The following BBS9 variants were observed in gnomAD, a reference collection of about 807,000 sequenced individuals.
The protein encoded by BBS9 is protein PTHB1.
BBS9 carries 89 observed loss-of-function variants against 117.7 expected under a neutral mutation model. That is an observed-to-expected ratio of 0.76 (90% confidence interval 0.64 to 0.90). The LOEUF (loss-of-function observed/expected upper bound fraction) is 0.90. Among genes scored for constraint, BBS9 ranks in the 40% least tolerant of loss-of-function variants. The probability of loss-of-function intolerance (pLI) is 0.00; values close to 1 mark genes in which losing one functional copy is unlikely to be tolerated. For missense variants in BBS9, 982 were observed against 1,042.2 expected, an observed-to-expected ratio of 0.94 and a Z score of 0.80; for synonymous variants, 379 against 370.9, an observed-to-expected ratio of 1.02 and a Z score of -0.25.
intron 10 of BBS9, among the ~76,000 whole-genome samples, chr7:33,338,599 A>G (rs1815865391): frequency 6.6e-6 from 1 of 152,180 alleles, no homozygotes; most frequent in Non-Finnish European, 1.5e-5. Flanking sequence ...CACATGGTGT[A>G]TATTATCTAC....
chr7:33,405,040 A>T (rs1299449064), intron 19 of BBS9, among the ~76,000 whole-genome samples: 1 of 152,294 alleles, frequency 6.6e-6, no homozygotes, highest in South Asian at 2.1e-4. Context: ...ACTTATTGAG[A>T]GTTTTTAGCA....
At chr7:33,288,036 A>G (rs1803229802) in intron 9 of BBS9, among the ~76,000 whole-genome samples, 1 of 152,162 alleles carries the variant, frequency 6.6e-6, no homozygotes, top group African/African-American at 2.4e-5. Flanking sequence ...CATGCCTGCA[A>G]TGGAAAATTC....
chr7:33,344,525 A>C, intron 11 of BBS9, 56 bp from the exon 12 acceptor site: 1 of 1,456,904 alleles, frequency 6.9e-7, no homozygotes, highest in African/African-American at 1.4e-5. Flanking sequence ...GTGTTCACTC[A>C]CTGCTGTGTA....
At chr7:33,145,456 G>C (rs73095338) in intron 1 of BBS9, among the ~76,000 whole-genome samples, 250 of 152,264 alleles carry the variant, frequency 1.6e-3, no homozygotes, top group Non-Finnish European at 2.7e-3. Context: ...CACACGGATA[G>C]TTAGTGGTAT....
At chr7:33,568,718 A>G (rs1857297335) in intron 21 of BBS9, among the ~76,000 whole-genome samples, 1 of 152,234 alleles carries the variant, frequency 6.6e-6, no homozygotes, top group African/African-American at 2.4e-5. Context: ...AACATGTTGA[A>G]CAGTATATAC....
intron 19 of BBS9, among the ~76,000 whole-genome samples, chr7:33,407,862 G>A (rs755432910): frequency 1.3e-5 from 2 of 152,252 alleles, no homozygotes; most frequent in Non-Finnish European, 2.9e-5. Flanking sequence ...GTGCCTCCCA[G>A]TTAGGCTGCT....
chr7:33,143,335 A>T (rs1791817974), intron 1 of BBS9, among the ~76,000 whole-genome samples: 1 of 151,868 alleles, frequency 6.6e-6, no homozygotes, highest in African/African-American at 2.4e-5. Flanking sequence ...TTATATTCCC[A>T]CCAACAGCGT....
chr7:33,593,934 A>G (rs1053642881), intron 21 of BBS9, among the ~76,000 whole-genome samples: 5 of 152,136 alleles, frequency 3.3e-5, no homozygotes, highest in African/African-American at 1.2e-4. Flanking sequence ...GAAAATGGCT[A>G]TGTTTCTGTA....
At chr7:33,633,243 G>A (rs1191062196) in intron 21 of BBS9, among the ~76,000 whole-genome samples, 1 of 151,954 alleles carries the variant, frequency 6.6e-6, no homozygotes, top group Non-Finnish European at 1.5e-5. Context: ...TGTAGTCACC[G>A]GTTTTACTAG....
intron 9 of BBS9, among the ~76,000 whole-genome samples, chr7:33,275,335 T>C (rs1375000499): frequency 1.3e-5 from 2 of 152,244 alleles, no homozygotes; most frequent in Admixed American, 6.5e-5. Context: ...GCTTTTGCAA[T>C]GTCCATCACA....
At chr7:33,408,430 G>A (rs1173776221) in intron 19 of BBS9, among the ~76,000 whole-genome samples, 1 of 152,094 alleles carries the variant, frequency 6.6e-6, no homozygotes, top group Non-Finnish European at 1.5e-5. Context: ...CTGGTGCACG[G>A]TGTGCTGCAC....
chr7:33,555,302 T>C (rs1418557644), intron 21 of BBS9, among the ~76,000 whole-genome samples: 1 of 152,200 alleles, frequency 6.6e-6, no homozygotes, highest in Admixed American at 6.5e-5. Context: ...CTTCTTTATC[T>C]TGAACACTTA....
At chr7:33,134,655 C>T (rs1394422221) in intron 1 of BBS9, among the ~76,000 whole-genome samples, 1 of 152,036 alleles carries the variant, frequency 6.6e-6, no homozygotes. Flanking sequence ...GGTGTGGTGG[C>T]ATGATTTTAG....
In BBS9 at chr7:33,344,564, C is replaced by T. The variant is rs199758277; in HGVS notation, c.1276-17C>T. The T allele has an allele frequency of 3.3e-5, 53 of 1,613,396 alleles. No individual in the cohort carries two copies. The East Asian group carries it at 8.5e-4, about 26-fold the overall frequency. ...TTGACATCATTCTTTCTTGCCTTCT[C>T]AATTCTGTGTTTACAGCAAGCGACC... On this transcript the variant is annotated splice_polypyrimidine_tract_variant and intron_variant, in intron 11 of 22. Transcript: ENST00000242067.
At chr7:33,206,403 A>G (rs1043890475) in intron 5 of BBS9, among the ~76,000 whole-genome samples, 4 of 152,206 alleles carry the variant, frequency 2.6e-5, no homozygotes, top group Non-Finnish European at 4.4e-5. Context: ...TTATTATGAC[A>G]CTAGTTGTTA....
At chr7:33,140,524 G>A (rs1020029109) in intron 1 of BBS9, among the ~76,000 whole-genome samples, 5 of 152,088 alleles carry the variant, frequency 3.3e-5, no homozygotes, top group Admixed American at 6.6e-5. Flanking sequence ...CATTTCAAGT[G>A]TGAATTTGGG....
intron 21 of BBS9, among the ~76,000 whole-genome samples, chr7:33,587,928 T>C (rs1031153889): frequency 6.6e-5 from 10 of 152,232 alleles, no homozygotes; most frequent in African/African-American, 2.4e-4. Flanking sequence ...AAAAATAAAC[T>C]GTTCCAGGCC....
At chr7:33,265,695 T>A (rs1439651724) in intron 7 of BBS9, among the ~76,000 whole-genome samples, 1 of 151,752 alleles carries the variant, frequency 6.6e-6, no homozygotes, top group Non-Finnish European at 1.5e-5. Flanking sequence ...AATACAAAAT[T>A]AGCTGGGCAT....
chr7:33,164,968 G>T (rs577654564), intron 4 of BBS9, among the ~76,000 whole-genome samples: 1 of 152,050 alleles, frequency 6.6e-6, no homozygotes, highest in Non-Finnish European at 1.5e-5. Flanking sequence ...GGCTGATACC[G>T]GTCTTTCCTT....
Sources: gnomAD v4.1 joint callset for allele counts (sites outside exome capture counted in the v4.1 genomes callset) on GRCh38, gnomAD v4.1.1 for gene constraint, MANE v1.5 for transcripts, NCBI Gene and HGNC (gene_info 2026-07-23, HGNC 2026-07-21) for gene names.